Variants in MRAP2 observed in about 807,000 individuals in gnomAD.
MRAP2 encodes melanocortin-2 receptor accessory protein 2.
MRAP2 carries 20 observed loss-of-function variants against 17.4 expected under a neutral mutation model. That is an observed-to-expected ratio of 1.15 (90% confidence interval 0.81 to 1.67). The LOEUF (loss-of-function observed/expected upper bound fraction) is 1.67, where lower values mean the gene tolerates loss of function less well. Among genes scored for constraint, MRAP2 ranks in the 40% most tolerant of loss-of-function variants. The pLI is 0.00. For missense variants in MRAP2, 238 were observed against 240.0 expected (o/e 0.99, Z 0.05); for synonymous variants, 96 against 88.4 (o/e 1.09, Z -0.48).
chr6:84,119,522 A>G, the MRAP2 span, among the ~76,000 whole-genome samples: 1 of 152,206 alleles, frequency 6.6e-6, no homozygotes, highest in Non-Finnish European at 1.5e-5. Flanking sequence ...CTCAGGGCAC[A>G]CTAGAAGCTC....
downstream of MRAP2, among the ~76,000 whole-genome samples, chr6:84,092,663 G>T (rs2129177603): frequency 6.6e-6 from 1 of 152,234 alleles, no homozygotes; most frequent in Middle Eastern, 3.4e-3. Context: ...ATTGGTTCCA[G>T]GCCCCCTGTA....
Position 84,073,266 on chromosome 6 carries a change from T to C in MRAP2, c.227+10274T>C, listed in dbSNP as rs530451808. On this transcript the variant is annotated intron_variant, in intron 3 of 3. Transcript: ENST00000257776. ...CGAGCGCCCAGGGCCTTTCTTCTTC[T>C]TCCTCTACCCCTGTATTTCACTCGG... is the stretch of plus-strand genomic sequence containing the variant. Among the ~76,000 whole-genome samples, 4 of 152,258 alleles carry C rather than the reference T, an allele frequency of 2.6e-5. No homozygotes were observed. In the South Asian group the frequency reaches 8.3e-4, roughly 32 times the overall value.
the MRAP2 span, among the ~76,000 whole-genome samples, chr6:84,139,086 G>C: frequency 2.6e-5 from 4 of 152,116 alleles, no homozygotes; most frequent in African/African-American, 7.2e-5. Context: ...ACACTTTTTA[G>C]AATGAAATGG....
chr6:84,118,277 A>T, the MRAP2 span, among the ~76,000 whole-genome samples: 5 of 152,082 alleles, frequency 3.3e-5, no homozygotes, highest in African/African-American at 1.2e-4. Context: ...CCCACAAAAC[A>T]GCCATGCTGT....
chr6:84,133,756 C>T, the MRAP2 span, among the ~76,000 whole-genome samples: 143 of 152,226 alleles, frequency 9.4e-4, 1 homozygote, highest in South Asian at 0.011. Flanking sequence ...TTCCAGGTAC[C>T]GTCTATCACA....
chr6:84,054,513 A>C (rs1033967884), intron 1 of MRAP2, among the ~76,000 whole-genome samples: 2 of 152,208 alleles, frequency 1.3e-5, no homozygotes, highest in Non-Finnish European at 2.9e-5. Flanking sequence ...AAGATCCACT[A>C]TGCAACTTTT....
chr6:84,064,594 T>G (rs2099494103), intron 3 of MRAP2, among the ~76,000 whole-genome samples: 1 of 152,090 alleles, frequency 6.6e-6, no homozygotes, highest in African/African-American at 2.4e-5. Context: ...TTCACGCCAT[T>G]CTCCTGCCTC....
chr6:84,089,407 C>T lies in MRAP2; in HGVS notation c.544C>T (p.Leu182Phe). The change falls in exon 4 of 4, where the codon CTT becomes TTT. Residue 182 changes from leucine (L) to phenylalanine (F), a missense_variant. Transcript: ENST00000257776. ...CCAGAACTACTTTGGGGAGGATGAT[C>T]TTCTGATTTCTGAACCACCTATTGT... ...TDQNYFGEDD[L>F]LISEPPIVLE... 1 of 1,614,130 alleles carries T rather than the reference C, an allele frequency of 6.2e-7. No homozygotes were observed. The highest frequency in any genetic ancestry group is 8.5e-7 in the Non-Finnish European group (1 of 1,180,020).
the MRAP2 span, among the ~76,000 whole-genome samples, chr6:84,125,968 ATC>A: frequency 6.6e-6 from 1 of 152,148 alleles, no homozygotes; most frequent in African/African-American, 2.4e-5. Flanking sequence ...CTATTAATTT[ATC>A]TGTTTATAAT....
chr6:84,089,211 T>G lies in MRAP2; in HGVS notation c.348T>G (p.Phe116Leu), dbSNP rs748413744. The G allele has an allele frequency of 4.3e-6, 7 of 1,614,212 alleles. No homozygotes were observed. The highest frequency in any genetic ancestry group is 5.9e-6 in the Non-Finnish European group (7 of 1,180,044). The change falls in exon 4 of 4, where the codon TTT (phenylalanine) becomes TTG (leucine). Residue 116 changes from phenylalanine (F) to leucine (L), a missense_variant. Phe to Leu is a conservative substitution (Grantham distance 22). Transcript: ENST00000257776. The part of the protein sequence containing the change: ...RQGNEESRSL[F>L]HCYINEVERL... ...GCAACGAGGAGTCCAGGTCTCTCTT[T>G]CACTGCTACATCAATGAGGTGGAAC...
At chr6:84,045,203 A>G (rs1030430302) in intron 1 of MRAP2, 1 of 985,360 alleles carries the variant, frequency 1.0e-6, no homozygotes, top group South Asian at 4.7e-5. Context: ...ATGACTTTAT[A>G]TATATACACA....
At chr6:84,117,047 G>C in the MRAP2 span, among the ~76,000 whole-genome samples, 7 of 149,544 alleles carry the variant, frequency 4.7e-5, no homozygotes, top group African/African-American at 1.5e-4. Context: ...TCATGAGATA[G>C]AGTCTTGCTC....
rs140056101 is a variant in MRAP2, at chr6:84,083,575, C to T, written c.228-5516C>T. On this transcript the variant is annotated intron_variant, in intron 3 of 3. Transcript: ENST00000257776. The stretch of plus-strand genomic sequence containing the variant: ...ATCACCTTAAAACATCTAGTACAAT[C>T]TTGATGAACAGTAAACCCGGGCAAA... 7.2e-5 allele frequency among the ~76,000 whole-genome samples: 11 copies of T among 152,206 alleles called. No individual in the cohort carries two copies. In the East Asian group the frequency reaches 1.7e-3, roughly 24 times the overall value.
At chr6:84,084,932 C>CTTTATTTTATTTTAT (rs757644105) in intron 3 of MRAP2, among the ~76,000 whole-genome samples, 6 of 99,438 alleles carry the variant, frequency 6.0e-5, no homozygotes, top group Admixed American at 9.3e-5. Context: ...TTTTATTTTA[C>CTTTATTTTATTTTAT]TTTATTTTAT....
chr6:84,064,676 A>G (rs534054511), intron 3 of MRAP2, among the ~76,000 whole-genome samples: 1 of 152,160 alleles, frequency 6.6e-6, no homozygotes, highest in South Asian at 2.1e-4. Context: ...TTTAGTAGAG[A>G]CAGGGTTTCA....
intron 2 of MRAP2, 37 bp downstream of exon 2, chr6:84,055,482 G>A (rs375261648): frequency 2.5e-6 from 4 of 1,596,030 alleles, no homozygotes; most frequent in Non-Finnish European, 2.6e-6. Flanking sequence ...AAGCATAATT[G>A]TATTTCTCTT....
Position 84,089,524 on chromosome 6 carries a change from A to C in MRAP2, c.*43A>C, listed in dbSNP as rs755195698. 9.6e-6 allele frequency: 15 copies of C among 1,561,970 alleles called. No individual in the cohort carries two copies. The highest frequency in any genetic ancestry group is 1.8e-4 in the Middle Eastern group (1 of 5,698). ...GGGTCTTCCTGAAGATGTGGATTCT[A>C]TCTTTATGTAGCAAGAAATCTACAT... On this transcript the variant is annotated 3_prime_UTR_variant, in exon 4 of 4. Transcript: ENST00000257776.
At chr6:84,139,947 G>A in the MRAP2 span, among the ~76,000 whole-genome samples, 1 of 145,378 alleles carries the variant, frequency 6.9e-6, no homozygotes, top group African/African-American at 2.9e-5. Flanking sequence ...GTGTGTTCAC[G>A]GTTCTCACCA....
chr6:84,099,852 T>TTC, the MRAP2 span, among the ~76,000 whole-genome samples: 2 of 151,578 alleles, frequency 1.3e-5, no homozygotes, highest in African/African-American at 4.9e-5. Context: ...TATCTTCTTC[T>TTC]TCTCTCTCTC....
Sources: gnomAD v4.1 joint callset for allele counts (sites outside exome capture counted in the v4.1 genomes callset) on GRCh38, gnomAD v4.1.1 for gene constraint, MANE v1.5 for transcripts, NCBI Gene and HGNC (gene_info 2026-07-23, HGNC 2026-07-21) for gene names.